ATRNL1: variants seen among roughly 807,000 people sequenced by gnomAD.
ATRNL1 encodes attractin-like protein 1.
A neutral mutation model predicts 182.7 loss-of-function variants in ATRNL1; 95 were observed. The ratio of observed to expected loss-of-function variants is 0.52; its 90% CI spans 0.44 to 0.62. The LOEUF (loss-of-function observed/expected upper bound fraction) is 0.62. Among genes scored for constraint, ATRNL1 ranks in the 20% least tolerant of loss-of-function variants. The probability of loss-of-function intolerance (pLI) is 0.00; values close to 1 mark genes in which losing one functional copy is unlikely to be tolerated. For synonymous variants in ATRNL1, 576 were observed against 568.3 expected (o/e 1.01, Z -0.19); for missense variants, 1,471 against 1,679.5 (o/e 0.88, Z 2.17).
chr10:115,116,754 C>T (rs1592121887), intron 1 of ATRNL1, among the ~76,000 whole-genome samples: 2 of 152,008 alleles, frequency 1.3e-5, no homozygotes, highest in South Asian at 2.1e-4. Context: ...TCCCATGCTT[C>T]CAGTGGACTG....
intron 26 of ATRNL1, among the ~76,000 whole-genome samples, chr10:115,699,476 G>C (rs1555050839): frequency 6.6e-6 from 1 of 151,988 alleles, no homozygotes; most frequent in East Asian, 1.9e-4. Context: ...ACAGAATAAA[G>C]AGTTCAACAA....
At chr10:115,396,971 A>G (rs1361452553) in intron 20 of ATRNL1, among the ~76,000 whole-genome samples, 1 of 151,954 alleles carries the variant, frequency 6.6e-6, no homozygotes, top group South Asian at 2.1e-4. Context: ...GAAGAGGATA[A>G]TAATGGAATA....
At position 115,416,358 on chromosome 10, in the gene ATRNL1, A is replaced by G. The variant is rs116148071; in HGVS notation, c.3270-9892A>G. Among the ~76,000 whole-genome samples the G allele has an allele frequency of 4.3e-3, 656 of 152,312 alleles. 4 individuals are homozygous for G. The highest frequency in any genetic ancestry group is 0.015 in the African/African-American group (608 of 41,594). Reference sequence around the variant, plus strand: ...TACCAAAAATTGGTGTTTAAATTTAACTCATAAAATTTGAAAACCATTTTA... The same window carrying G: ...TACCAAAAATTGGTGTTTAAATTTAGCTCATAAAATTTGAAAACCATTTTA... On this transcript the variant is annotated intron_variant, in intron 20 of 28. Coordinates refer to ENST00000355044, the MANE Select transcript of ATRNL1 (RefSeq NM_207303.4).
intron 24 of ATRNL1, among the ~76,000 whole-genome samples, chr10:115,518,628 A>G (rs1177305460): frequency 6.6e-6 from 1 of 151,940 alleles, no homozygotes; most frequent in African/African-American, 2.4e-5. Context: ...ATACAGGGCT[A>G]GTAATTGAAA....
chr10:115,164,420 C>T (rs561699352), intron 6 of ATRNL1, among the ~76,000 whole-genome samples: 18 of 152,140 alleles, frequency 1.2e-4, no homozygotes, highest in African/African-American at 3.1e-4. Flanking sequence ...GTAAACAGTG[C>T]GGAGGTTCCT....
At chr10:115,803,172 G>A (rs1949837629) in intron 27 of ATRNL1, among the ~76,000 whole-genome samples, 1 of 152,130 alleles carries the variant, frequency 6.6e-6, no homozygotes, top group Non-Finnish European at 1.5e-5. Flanking sequence ...TTAATGACTT[G>A]AAATTGCTTG....
chr10:115,458,624 G>A (rs1554969161), intron 21 of ATRNL1, among the ~76,000 whole-genome samples: 1 of 152,090 alleles, frequency 6.6e-6, no homozygotes, highest in Non-Finnish European at 1.5e-5. Context: ...TGTGGCAGAT[G>A]CTGGAGTCCA....
At chr10:115,347,121 A>T (rs1554939978) in intron 19 of ATRNL1, among the ~76,000 whole-genome samples, 1 of 152,148 alleles carries the variant, frequency 6.6e-6, no homozygotes, top group African/African-American at 2.4e-5. Context: ...GGTTGAAGAC[A>T]AGTTTAGTTA....
chr10:115,778,612 A>G (rs1555078526), intron 27 of ATRNL1, among the ~76,000 whole-genome samples: 3 of 152,206 alleles, frequency 2.0e-5, no homozygotes, highest in South Asian at 4.1e-4. Context: ...AGTGCAGACT[A>G]TGGAGAGAAG....
chr10:115,220,242 C>G (rs1849399865), intron 9 of ATRNL1: 1 of 152,212 alleles, frequency 6.6e-6, no homozygotes, highest in Non-Finnish European at 1.5e-5. Flanking sequence ...TTTAGCAATG[C>G]TGTTAGCTAC....
chr10:115,636,752 A>G (rs1317146579), intron 26 of ATRNL1, among the ~76,000 whole-genome samples: 1 of 152,228 alleles, frequency 6.6e-6, no homozygotes, highest in African/African-American at 2.4e-5. Context: ...AAACTTACAT[A>G]TGAATGTACA....
intron 13 of ATRNL1, among the ~76,000 whole-genome samples, chr10:115,270,226 A>G (rs911744802): frequency 6.9e-5 from 10 of 144,108 alleles, no homozygotes; most frequent in African/African-American, 2.6e-4. Flanking sequence ...ACACATACAC[A>G]GTTTATATAT....
At chr10:115,160,316 T>C in intron 6 of ATRNL1, 102 bp downstream of exon 6, 4 of 1,118,724 alleles carry the variant, frequency 3.6e-6, no homozygotes, top group Non-Finnish European at 5.1e-6. Flanking sequence ...TGGTTATTTT[T>C]GTGGTAGTGT....
At chr10:115,487,137 A>C (rs1554975355) in intron 24 of ATRNL1, among the ~76,000 whole-genome samples, 1 of 152,004 alleles carries the variant, frequency 6.6e-6, no homozygotes. Context: ...TTTTGGTACC[A>C]TAGCCTTGTA....
At chr10:115,499,437 A>G (rs1013737685) in intron 24 of ATRNL1, among the ~76,000 whole-genome samples, 1 of 152,214 alleles carries the variant, frequency 6.6e-6, no homozygotes, top group Non-Finnish European at 1.5e-5. Context: ...AAGATGAGAC[A>G]GGTGTCAGTT....
intron 24 of ATRNL1, among the ~76,000 whole-genome samples, chr10:115,501,917 A>G (rs900498321): frequency 1.3e-5 from 2 of 152,120 alleles, no homozygotes; most frequent in African/African-American, 4.8e-5. Flanking sequence ...CAAAGTTATC[A>G]GAGATTGCAT....
chr10:115,781,910 A>G (rs948071494), intron 27 of ATRNL1, among the ~76,000 whole-genome samples: 1 of 152,188 alleles, frequency 6.6e-6, no homozygotes, highest in African/African-American at 2.4e-5. Flanking sequence ...CAGCTGTTAT[A>G]TAGTAGCAAC....
At chr10:115,642,440 C>CTTTTTTTTTTTTTTTTTTTT (rs71303504) in intron 26 of ATRNL1, among the ~76,000 whole-genome samples, 2 of 148,818 alleles carry the variant, frequency 1.3e-5, no homozygotes, top group Non-Finnish European at 1.5e-5. Flanking sequence ...AATTCTAGTG[C>CTTTTTTTTTTTTTTTTTTTT]TTTTTTTTTT....
chr10:115,595,148 C>T (rs1485572651), intron 26 of ATRNL1, among the ~76,000 whole-genome samples: 2 of 152,142 alleles, frequency 1.3e-5, no homozygotes, highest in African/African-American at 4.8e-5. Flanking sequence ...AAAATGATAG[C>T]TGTTCTGGCA....
Sources: allele counts gnomAD v4.1 joint callset (sites outside exome capture counted in the v4.1 genomes callset), GRCh38; gene constraint gnomAD v4.1.1; transcripts MANE v1.5; gene names NCBI Gene and HGNC (gene_info 2026-07-23, HGNC 2026-07-21).